ST8SIA1: variants seen among roughly 807,000 people sequenced by gnomAD.
ST8SIA1 encodes alpha-N-acetylneuraminide alpha-2,8-sialyltransferase.
A neutral mutation model predicts 35.9 loss-of-function variants in ST8SIA1; 16 were observed. The observed-to-expected ratio is 0.45, with a 90% confidence interval of 0.30 to 0.68. ST8SIA1 has a LOEUF of 0.68. Ranked by LOEUF, ST8SIA1 falls within the 30% of genes least tolerant of loss-of-function variation. ST8SIA1 has a pLI of 0.09. For missense variants in ST8SIA1, 383 were observed against 453.6 expected (o/e 0.84, Z 1.41); for synonymous variants, 170 against 169.6 (o/e 1.00, Z -0.02).
At chr12:22,278,803 T>A (rs1459385351) in intron 2 of ST8SIA1, among the ~76,000 whole-genome samples, 1 of 152,058 alleles carries the variant, frequency 6.6e-6, no homozygotes, top group Non-Finnish European at 1.5e-5. Context: ...AAAAAAAACC[T>A]ATGCATAATA....
chr12:22,235,914 A>G (rs1010759954), intron 4 of ST8SIA1, among the ~76,000 whole-genome samples: 7 of 151,562 alleles, frequency 4.6e-5, no homozygotes, highest in African/African-American at 1.7e-4. Context: ...ACACACACAC[A>G]CGTGCACATA....
intron 1 of ST8SIA1, among the ~76,000 whole-genome samples, chr12:22,301,216 C>T (rs754668980): frequency 2.0e-5 from 3 of 151,912 alleles, no homozygotes; most frequent in African/African-American, 7.3e-5. Context: ...CTAACAAGTG[C>T]TCTTGAATGA....
intron 1 of ST8SIA1, among the ~76,000 whole-genome samples, chr12:22,305,249 C>G (rs1466155208): frequency 6.6e-6 from 1 of 151,790 alleles, no homozygotes; most frequent in Non-Finnish European, 1.5e-5. Context: ...AACATTTTAT[C>G]AGAAAAAAGG....
rs1295950667 is a variant in ST8SIA1 at position 22,200,782 on chromosome 12, C to T, written c.*770G>A. ...AAATAAAAATGACAATGCAAACAGG[C>T]TTACATAATGCAGACCTAAAATTGG... On this transcript the variant is annotated 3_prime_UTR_variant, in exon 5 of 5. Coordinates refer to ENST00000396037, the MANE Select transcript of ST8SIA1 (RefSeq NM_003034.4). The T allele has an allele frequency of 1.3e-5, 2 of 152,112 alleles. No homozygotes were observed. The highest frequency in any genetic ancestry group is 2.9e-5 in the Non-Finnish European group (2 of 68,028). 9.4% of individuals were successfully genotyped at this position (152,112 alleles called of 1,614,324 possible).
intron 4 of ST8SIA1, among the ~76,000 whole-genome samples, chr12:22,238,864 C>G (rs1341713907): frequency 2.0e-5 from 3 of 152,020 alleles, no homozygotes; most frequent in Non-Finnish European, 4.4e-5. Flanking sequence ...GTAACATACT[C>G]TTTTTCTGAG....
intron 2 of ST8SIA1, among the ~76,000 whole-genome samples, chr12:22,257,050 T>A (rs1407051163): frequency 1.3e-5 from 2 of 152,164 alleles, no homozygotes; most frequent in Non-Finnish European, 2.9e-5. Flanking sequence ...TAAGTAAAAA[T>A]TTCTGTTCCC....
chr12:22,321,749 A>T (rs1866605018), intron 1 of ST8SIA1, among the ~76,000 whole-genome samples: 2 of 152,190 alleles, frequency 1.3e-5, no homozygotes, highest in African/African-American at 4.8e-5. Context: ...AGTTATTAGG[A>T]AACAATAAAG....
chr12:22,197,784 C>G lies in ST8SIA1; in HGVS notation c.*3768G>C, dbSNP rs889407716. On this transcript the variant is annotated 3_prime_UTR_variant, in exon 5 of 5. Coordinates refer to ENST00000396037, the MANE Select transcript of ST8SIA1 (RefSeq NM_003034.4). ...AGAAAGACATGAGACATCACAAAGC[C>G]AAACACAGTATTGTCTGAACATGTG... 1 of 152,122 alleles carries G rather than the reference C, an allele frequency of 6.6e-6. No homozygotes were observed. The highest frequency in any genetic ancestry group is 2.4e-5 in the African/African-American group (1 of 41,432). The allele number at this position is 152,122 out of a possible 1,614,324, so 9.4% of individuals were successfully genotyped here. A position where few individuals can be genotyped will look rare whatever the true frequency, so the allele number is the denominator to read the frequency against.
chr12:22,260,613 T>A (rs1865778364), intron 2 of ST8SIA1, among the ~76,000 whole-genome samples: 1 of 152,138 alleles, frequency 6.6e-6, no homozygotes, highest in Non-Finnish European at 1.5e-5. Context: ...CTTCAACCCC[T>A]CAGTGCCTCA....
chr12:22,237,023 C>G (rs1422682810), intron 4 of ST8SIA1, among the ~76,000 whole-genome samples: 1 of 152,148 alleles, frequency 6.6e-6, no homozygotes, highest in Non-Finnish European at 1.5e-5. Context: ...GGGCTTTATT[C>G]ATATTGTTTG....
At chr12:22,266,445 G>A (rs529193878) in intron 2 of ST8SIA1, among the ~76,000 whole-genome samples, 12 of 151,292 alleles carry the variant, frequency 7.9e-5, no homozygotes, top group South Asian at 2.1e-4. Flanking sequence ...CTTCAAAATC[G>A]AAGCCTTTAT....
intron 3 of ST8SIA1, among the ~76,000 whole-genome samples, chr12:22,253,419 C>A (rs74068774): frequency 0.015 from 2,278 of 152,302 alleles, 60 homozygotes; most frequent in African/African-American, 0.052. Context: ...CCCCACTGTT[C>A]ATGACACTGC....
At position 22,254,021 on chromosome 12, in the gene ST8SIA1, C is replaced by T. The variant is rs139241847; in HGVS notation, c.491+1259G>A. On this transcript the variant is annotated intron_variant, in intron 3 of 4. Coordinates refer to ENST00000396037, the MANE Select transcript of ST8SIA1 (RefSeq NM_003034.4). ...CCTTTTTTCCACTCCTAGACTGTTA[C>T]TCGTTTATACTTAAAAATAAACAGG... is the stretch of plus-strand genomic sequence containing the variant. Among the ~76,000 whole-genome samples the T allele has an allele frequency of 2.5e-3, 373 of 152,234 alleles. 4 individuals carry two copies. The highest frequency in any genetic ancestry group is 8.5e-3 in the African/African-American group (354 of 41,544).
At chr12:22,227,236 A>C (rs1865369633) in intron 4 of ST8SIA1, among the ~76,000 whole-genome samples, 1 of 151,034 alleles carries the variant, frequency 6.6e-6, no homozygotes, top group South Asian at 2.1e-4. Flanking sequence ...GAGCCACCAC[A>C]CCTGACCTTT....
chr12:22,267,587 T>A (rs368623912), intron 2 of ST8SIA1, among the ~76,000 whole-genome samples: 1 of 152,288 alleles, frequency 6.6e-6, no homozygotes, highest in Non-Finnish European at 1.5e-5. Context: ...CATACAAGCA[T>A]CCAATCAACT....
chr12:22,301,309 A>G (rs1686003350), intron 1 of ST8SIA1, among the ~76,000 whole-genome samples: 1 of 151,938 alleles, frequency 6.6e-6, no homozygotes, highest in Non-Finnish European at 1.5e-5. Flanking sequence ...ATGTTTATGA[A>G]TATCAAGCAG....
intron 2 of ST8SIA1, among the ~76,000 whole-genome samples, chr12:22,263,472 C>T (rs960342452): frequency 2.0e-5 from 3 of 152,054 alleles, no homozygotes; most frequent in East Asian, 1.9e-4. Flanking sequence ...TTTATGAAAG[C>T]GTATTGTTTT....
At chr12:22,224,968 A>C (rs1865338754) in intron 4 of ST8SIA1, among the ~76,000 whole-genome samples, 1 of 152,192 alleles carries the variant, frequency 6.6e-6, no homozygotes, top group South Asian at 2.1e-4. Context: ...TTATAAAAAG[A>C]AAAAACAGTG....
At chr12:22,325,897 G>T (rs1306809004) in intron 1 of ST8SIA1, 5 of 701,238 alleles carry the variant, frequency 7.1e-6, no homozygotes, top group South Asian at 3.0e-5. Flanking sequence ...GATATTAAGT[G>T]ACTCATGGGC....
Sources: gnomAD v4.1 joint callset for allele counts (sites outside exome capture counted in the v4.1 genomes callset) on GRCh38, gnomAD v4.1.1 for gene constraint, MANE v1.5 for transcripts, NCBI Gene and HGNC (gene_info 2026-07-23, HGNC 2026-07-21) for gene names.